The following FHIT variants were observed in gnomAD, a reference collection of about 807,000 sequenced individuals.
FHIT encodes the protein bis(5'-adenosyl)-triphosphatase.
In FHIT, 19 loss-of-function variants were observed where a neutral mutation model predicts 17.9. That is an observed-to-expected ratio of 1.06 (90% CI 0.74 to 1.56). The LOEUF (loss-of-function observed/expected upper bound fraction) is 1.56. FHIT is among the 40% of genes most tolerant of loss of function. The probability of loss-of-function intolerance (pLI) is 0.00; values close to 1 mark genes in which losing one functional copy is unlikely to be tolerated. For missense variants in FHIT, 248 were observed against 189.2 expected, an observed-to-expected ratio of 1.31 and a Z score of -1.82; for synonymous variants, 81 against 69.7, an observed-to-expected ratio of 1.16 and a Z score of -0.81.
intron 5 of FHIT, among the ~76,000 whole-genome samples, chr3:60,470,839 G>T (rs531334358): frequency 3.3e-5 from 5 of 152,148 alleles, no homozygotes; most frequent in East Asian, 1.9e-4. Context: ...AGCCAGCAGG[G>T]CTCTGAGTCT....
At chr3:61,211,545 C>T (rs893631976) in intron 1 of FHIT, among the ~76,000 whole-genome samples, 14 of 152,304 alleles carry the variant, frequency 9.2e-5, no homozygotes, top group East Asian at 1.9e-4. Context: ...AGGAGGCCTG[C>T]CTGCCTCTGT....
In FHIT at chr3:59,962,138, C is replaced by T. The variant is rs191403847; in HGVS notation, c.280-39724G>A. On this transcript the variant is annotated intron_variant, in intron 7 of 9. Coordinates refer to ENST00000492590, the MANE Select transcript of FHIT (RefSeq NM_002012.4). ...AAAACATTTAATTCGCCAGTCCTGA[C>T]CATATCTATAACAAAAGGAACTATG... 3.3e-3 allele frequency among the ~76,000 whole-genome samples: 502 copies of T among 152,278 alleles called. 4 individuals carry two copies. The highest frequency in any genetic ancestry group is 5.3e-3 in the Non-Finnish European group (358 of 68,014).
rs970418708 is a variant in FHIT at position 60,371,533 on chromosome 3, C to T, written c.103+165327G>A. On this transcript the variant is annotated intron_variant, in intron 5 of 9. Transcript: ENST00000492590. ...CCACTGAACCTGGCTCTCAAGTAGT[C>T]GGTTTTTAACTAAAAATATTTACAG... 2.0e-5 allele frequency among the ~76,000 whole-genome samples: 3 copies of T among 151,928 alleles called. No homozygotes were observed. The South Asian group carries it at 6.2e-4, about 32-fold the overall frequency.
intron 4 of FHIT, among the ~76,000 whole-genome samples, chr3:60,575,456 T>C (rs2037533182): frequency 6.6e-6 from 1 of 152,130 alleles, no homozygotes; most frequent in African/African-American, 2.4e-5. Context: ...AGGACTGTAG[T>C]GGACTGGAAC....
chr3:60,313,490 A>G (rs1356486561), intron 5 of FHIT, among the ~76,000 whole-genome samples: 1 of 152,202 alleles, frequency 6.6e-6, no homozygotes, highest in Non-Finnish European at 1.5e-5. Context: ...TCCATCACCT[A>G]TAACTTAGAT....
intron 4 of FHIT, among the ~76,000 whole-genome samples, chr3:60,702,293 T>C (rs1389529140): frequency 6.6e-6 from 1 of 152,202 alleles, no homozygotes; most frequent in Non-Finnish European, 1.5e-5. Flanking sequence ...TATTACATTT[T>C]AATGTTTAGA....
chr3:61,127,855 G>A (rs906523602), intron 2 of FHIT, among the ~76,000 whole-genome samples: 1 of 152,002 alleles, frequency 6.6e-6, no homozygotes, highest in Non-Finnish European at 1.5e-5. Flanking sequence ...GGGCAACAGA[G>A]CAAGACTCTG....
chr3:60,894,288 A>G (rs879981801), intron 3 of FHIT, among the ~76,000 whole-genome samples: 2 of 152,208 alleles, frequency 1.3e-5, no homozygotes, highest in Non-Finnish European at 2.9e-5. Flanking sequence ...GGTGAACATT[A>G]TTGGACACTT....
At chr3:59,850,952 G>A (rs1701908388) in intron 8 of FHIT, among the ~76,000 whole-genome samples, 1 of 152,164 alleles carries the variant, frequency 6.6e-6, no homozygotes, top group South Asian at 2.1e-4. Flanking sequence ...CTGGATTATG[G>A]CCAATACTTT....
At chr3:60,339,314 G>T (rs983267552) in intron 5 of FHIT, among the ~76,000 whole-genome samples, 3 of 151,976 alleles carry the variant, frequency 2.0e-5, no homozygotes, top group African/African-American at 7.2e-5. Flanking sequence ...TTTTGAGCCA[G>T]CACACTATAT....
intron 4 of FHIT, among the ~76,000 whole-genome samples, chr3:60,659,616 A>G (rs1421789853): frequency 1.3e-5 from 2 of 151,860 alleles, no homozygotes; most frequent in Non-Finnish European, 2.9e-5. Flanking sequence ...TTCTCGTTCT[A>G]TTTTTACTTT....
intron 7 of FHIT, among the ~76,000 whole-genome samples, chr3:59,947,858 T>C (rs555563242): frequency 1.3e-5 from 2 of 152,338 alleles, no homozygotes; most frequent in African/African-American, 4.8e-5. Flanking sequence ...TGTATGCCAA[T>C]TTTGTTTTTT....
At chr3:60,802,878 C>T (rs138036162) in intron 4 of FHIT, among the ~76,000 whole-genome samples, 3 of 152,228 alleles carry the variant, frequency 2.0e-5, no homozygotes, top group Admixed American at 6.5e-5. Flanking sequence ...ATAAAGCCTC[C>T]ATCTTTCCTG....
At chr3:60,789,120 A>G (rs1449285452) in intron 4 of FHIT, among the ~76,000 whole-genome samples, 1 of 150,110 alleles carries the variant, frequency 6.7e-6, no homozygotes, top group East Asian at 2.0e-4. Context: ...ATGTATATAT[A>G]GATATGTATA....
chr3:59,819,211 G>C (rs747712502), intron 8 of FHIT, among the ~76,000 whole-genome samples: 9 of 152,200 alleles, frequency 5.9e-5, no homozygotes, highest in African/African-American at 9.6e-5. Flanking sequence ...TGGATTTGGG[G>C]AGGTTGCTCA....
chr3:60,094,115 G>C (rs549446873), intron 5 of FHIT, among the ~76,000 whole-genome samples: 1 of 152,248 alleles, frequency 6.6e-6, no homozygotes, highest in South Asian at 2.1e-4. Flanking sequence ...CAGAGAGACA[G>C]TGTTACCCAG....
chr3:60,138,541 T>C (rs1699909841), intron 5 of FHIT, among the ~76,000 whole-genome samples: 1 of 152,208 alleles, frequency 6.6e-6, no homozygotes, highest in African/African-American at 2.4e-5. Flanking sequence ...AAGTTCCACA[T>C]GCTATGCTAT....
At chr3:59,757,515 C>A (rs374774501) in intron 8 of FHIT, among the ~76,000 whole-genome samples, 1 of 152,084 alleles carries the variant, frequency 6.6e-6, no homozygotes, top group East Asian at 1.9e-4. Context: ...TTGCTCAAAC[C>A]GCCTTTGCTA....
At chr3:59,942,806 G>C (rs907532434) in intron 7 of FHIT, among the ~76,000 whole-genome samples, 1 of 151,946 alleles carries the variant, frequency 6.6e-6, no homozygotes, top group African/African-American at 2.4e-5. Context: ...GCACCACATT[G>C]GCTAATATTT....
Sources: gnomAD v4.1 joint callset for allele counts (sites outside exome capture counted in the v4.1 genomes callset) on GRCh38, gnomAD v4.1.1 for gene constraint, MANE v1.5 for transcripts, NCBI Gene and HGNC (gene_info 2026-07-23, HGNC 2026-07-21) for gene names.